The following DGKB variants were observed in gnomAD, a reference collection of about 807,000 sequenced individuals.
DGKB encodes the protein 90 kDa diacylglycerol kinase.
In DGKB, 67 loss-of-function variants were observed where a neutral mutation model predicts 114.3. The observed-to-expected ratio is 0.59, with a 90% CI of 0.48 to 0.72. The LOEUF (loss-of-function observed/expected upper bound fraction) is 0.72. Ranked by LOEUF, DGKB falls within the 30% of genes least tolerant of loss-of-function variation. DGKB has a pLI of 0.00. For missense variants in DGKB, 907 were observed against 975.2 expected (o/e 0.93, Z 0.93); for synonymous variants, 398 against 323.1 (o/e 1.23, Z -2.49).
intron 20 of DGKB, among the ~76,000 whole-genome samples, chr7:14,528,350 C>A (rs1005481994): frequency 6.6e-6 from 1 of 151,988 alleles, no homozygotes; most frequent in Admixed American, 6.6e-5. Context: ...ACCCACGATG[C>A]CTTACATATG....
chr7:14,660,192 CTCT>C (rs1317430559), intron 13 of DGKB, among the ~76,000 whole-genome samples: 1 of 151,690 alleles, frequency 6.6e-6, no homozygotes, highest in African/African-American at 2.4e-5. Flanking sequence ...GTCTAAAATT[CTCT>C]TTTTTGGTTG....
At chr7:14,554,846 T>G (rs544554707) in intron 20 of DGKB, among the ~76,000 whole-genome samples, 1 of 152,284 alleles carries the variant, frequency 6.6e-6, no homozygotes, top group South Asian at 2.1e-4. Context: ...TACATGCTTA[T>G]TTTTTAAACT....
chr7:14,780,481 GA>G (rs1440547813), intron 2 of DGKB, among the ~76,000 whole-genome samples: 1 of 152,198 alleles, frequency 6.6e-6, no homozygotes, highest in African/African-American at 2.4e-5. Context: ...GCCCCTGAGA[GA>G]GCAGTTGTGA....
chr7:14,876,548 A>G (rs952189882), intron 1 of DGKB, among the ~76,000 whole-genome samples: 1 of 152,190 alleles, frequency 6.6e-6, no homozygotes, highest in African/African-American at 2.4e-5. Flanking sequence ...GCACTCAATC[A>G]ACTTTCCTAA....
chr7:14,420,058 A>C lies in DGKB; in HGVS notation c.1835+58103T>G, dbSNP rs189110117. Among the ~76,000 whole-genome samples, 3 of 152,142 alleles carry C rather than the reference A, an allele frequency of 2.0e-5. No homozygotes were observed. The East Asian group carries it at 5.8e-4, about 29-fold the overall frequency. On this transcript the variant is annotated intron_variant, in intron 21 of 25. Transcript: ENST00000402815. ...AACTGAAACTTCAAGAACAAACATC[A>C]ATATTATTGATTATTTTAACTTTTT...
chr7:14,176,034 T>C (rs986769897), intron 25 of DGKB: 3 of 152,122 alleles, frequency 2.0e-5, no homozygotes, highest in Admixed American at 2.0e-4. Flanking sequence ...CAAAGAGGTC[T>C]CCCTTATCTC....
At chr7:14,948,125 C>T (rs973107716) in intron 1 of DGKB, among the ~76,000 whole-genome samples, 2 of 151,672 alleles carry the variant, frequency 1.3e-5, no homozygotes, top group Non-Finnish European at 3.0e-5. Context: ...TTATGGCACA[C>T]TGAGAATGAA....
At chr7:14,265,288 A>T (rs992102397) in intron 23 of DGKB, among the ~76,000 whole-genome samples, 3 of 135,464 alleles carry the variant, frequency 2.2e-5, no homozygotes, top group Admixed American at 7.6e-5. Context: ...ACACTTTCTC[A>T]ATTTGGACTG....
intron 23 of DGKB, among the ~76,000 whole-genome samples, chr7:14,215,453 A>G (rs1788803452): frequency 6.6e-6 from 1 of 152,152 alleles, no homozygotes; most frequent in Non-Finnish European, 1.5e-5. Flanking sequence ...TCCCTTTCAA[A>G]TTTCATAAAA....
intron 21 of DGKB, among the ~76,000 whole-genome samples, chr7:14,368,031 CTTTTT>C (rs1435186546): frequency 6.6e-6 from 1 of 151,926 alleles, no homozygotes; most frequent in Non-Finnish European, 1.5e-5. Flanking sequence ...ATGATATTTT[CTTTTT>C]TTAATTTTAA....
intron 21 of DGKB, among the ~76,000 whole-genome samples, chr7:14,352,662 A>C (rs1351070758): frequency 6.6e-6 from 1 of 152,106 alleles, no homozygotes; most frequent in Non-Finnish European, 1.5e-5. Flanking sequence ...ATTGGCTCAC[A>C]ACCTGTAATC....
chr7:14,341,248 C>T (rs1811558955), intron 22 of DGKB, among the ~76,000 whole-genome samples: 2 of 151,736 alleles, frequency 1.3e-5, no homozygotes, highest in South Asian at 4.1e-4. Flanking sequence ...TGATTTGTTT[C>T]CACTTGTTCT....
intron 1 of DGKB, among the ~76,000 whole-genome samples, chr7:14,923,918 C>G (rs1164169980): frequency 7.0e-6 from 1 of 143,564 alleles, no homozygotes. Flanking sequence ...TCTCTTGAAC[C>G]CGGGAGGCGG....
chr7:14,392,996 T>TTTTGTTGTTTTTTTTTTTTTG (rs1563088650), intron 21 of DGKB, among the ~76,000 whole-genome samples: 3 of 26,408 alleles, frequency 1.1e-4, no homozygotes, highest in African/African-American at 7.0e-4. Flanking sequence ...TTTGTTTTTG[T>TTTTGTTGTTTTTTTTTTTTTG]TTTTTTTTTT....
chr7:14,861,574 C>T (rs1015155584), intron 1 of DGKB, among the ~76,000 whole-genome samples: 1 of 151,882 alleles, frequency 6.6e-6, no homozygotes, highest in Non-Finnish European at 1.5e-5. Flanking sequence ...TAGAACATTA[C>T]CAGCACATTA....
chr7:14,384,540 GA>G (rs1359435990), intron 21 of DGKB, among the ~76,000 whole-genome samples: 1 of 152,172 alleles, frequency 6.6e-6, no homozygotes, highest in African/African-American at 2.4e-5. Context: ...CAAAATACAT[GA>G]CACAATGAAT....
At chr7:14,276,275 T>C (rs899990696) in intron 23 of DGKB, among the ~76,000 whole-genome samples, 5 of 152,204 alleles carry the variant, frequency 3.3e-5, no homozygotes, top group African/African-American at 1.2e-4. Flanking sequence ...GAACTATATA[T>C]TTTCTTACAT....
At chr7:14,191,364 TG>T in intron 23 of DGKB, 1 of 157,028 alleles carries the variant, frequency 6.4e-6, no homozygotes, top group Non-Finnish European at 1.4e-5. Flanking sequence ...TGCCAATTTC[TG>T]GTTGGAATTG....
chr7:14,715,301 C>T (rs963542897), intron 6 of DGKB, among the ~76,000 whole-genome samples: 1 of 152,082 alleles, frequency 6.6e-6, no homozygotes, highest in Non-Finnish European at 1.5e-5. Context: ...AGTTACAAGG[C>T]TTGGAGTATT....
Sources: allele counts gnomAD v4.1 joint callset (sites outside exome capture counted in the v4.1 genomes callset), GRCh38; gene constraint gnomAD v4.1.1; transcripts MANE v1.5; gene names NCBI Gene and HGNC (gene_info 2026-07-23, HGNC 2026-07-21).